Variants in NTM observed in about 807,000 individuals in gnomAD.
NTM encodes IgLON family member 2.
NTM carries 13 observed loss-of-function variants against 42.1 expected under a neutral mutation model. The ratio of observed to expected loss-of-function variants is 0.31; its 90% CI spans 0.20 to 0.49. The LOEUF (loss-of-function observed/expected upper bound fraction) is 0.49. Ranked by LOEUF, NTM falls within the 20% of genes least tolerant of loss-of-function variation. The pLI, the probability that NTM is intolerant of heterozygous loss-of-function variation, is 0.99. For missense variants in NTM, 373 were observed against 452.8 expected (o/e 0.82, Z 1.60); for synonymous variants, 187 against 179.2 (o/e 1.04, Z -0.35).
intron 1 of NTM, among the ~76,000 whole-genome samples, chr11:131,900,046 C>T (rs1262844845): frequency 1.3e-5 from 2 of 152,190 alleles, no homozygotes; most frequent in Non-Finnish European, 2.9e-5. Flanking sequence ...AGAAATTAGA[C>T]CATTACATGT....
intron 1 of NTM, among the ~76,000 whole-genome samples, chr11:131,800,205 G>A (rs568020272): frequency 2.0e-5 from 3 of 152,312 alleles, no homozygotes; most frequent in South Asian, 2.1e-4. Context: ...TTTGGAATCC[G>A]AGAACAGGAT....
chr11:131,469,959 A>G (rs1479583353), intron 1 of NTM, among the ~76,000 whole-genome samples: 1 of 152,208 alleles, frequency 6.6e-6, no homozygotes, highest in African/African-American at 2.4e-5. Flanking sequence ...TCTGGTCTGC[A>G]TTTACATTTC....
At chr11:131,761,155 G>T (rs2084107121) in intron 1 of NTM, among the ~76,000 whole-genome samples, 1 of 152,154 alleles carries the variant, frequency 6.6e-6, no homozygotes, top group South Asian at 2.1e-4. Flanking sequence ...GTGGCAAGAG[G>T]CAGGGAGGAG....
rs779371401 is a variant in NTM, at chr11:132,214,014, G to A, written c.526+1867G>A. Reference sequence around the variant, plus strand: ...CTCCCAAAGTGCTGGGATTACAGGCGTGAGCCACCGCGCCCGGCGGGCCAC... The same window carrying A: ...CTCCCAAAGTGCTGGGATTACAGGCATGAGCCACCGCGCCCGGCGGGCCAC... On this transcript the variant is annotated intron_variant, in intron 4 of 8. Transcript: ENST00000683400. Among the ~76,000 whole-genome samples the A allele has an allele frequency of 1.8e-4, 11 of 61,486 alleles. 3 individuals are homozygous for A. Among genetic ancestry groups the A allele is most frequent in the African/African-American group, 4.3e-4 (9 of 20,720 alleles). The allele number at this position is 61,486 out of a possible 152,430, so 40.3% of individuals were successfully genotyped here.
At chr11:131,813,267 T>C (rs1445635666) in intron 1 of NTM, among the ~76,000 whole-genome samples, 2 of 152,194 alleles carry the variant, frequency 1.3e-5, no homozygotes, top group African/African-American at 4.8e-5. Context: ...ACACACAAAC[T>C]AATAGCATCT....
At chr11:131,722,701 G>T (rs1353221027) in intron 1 of NTM, among the ~76,000 whole-genome samples, 4 of 152,186 alleles carry the variant, frequency 2.6e-5, no homozygotes, top group African/African-American at 4.8e-5. Context: ...GAGCTGCAGG[G>T]CCACTAGAGA....
intron 1 of NTM, among the ~76,000 whole-genome samples, chr11:131,380,212 C>CTT (rs34132358): frequency 2.2e-4 from 28 of 124,634 alleles, no homozygotes; most frequent in African/African-American, 6.5e-4. Flanking sequence ...TCCTTTGAGT[C>CTT]TTTTTTTTTT....
rs565687944 is a variant in NTM at position 132,045,343 on chromosome 11, G to T, written c.168-100939G>T. Among the ~76,000 whole-genome samples the T allele has an allele frequency of 8.5e-5, 13 of 152,312 alleles. No individual in the cohort carries two copies. The South Asian group carries it at 2.7e-3, about 32-fold the overall frequency. On this transcript the variant is annotated intron_variant, in intron 2 of 8. Transcript: ENST00000683400. ...GAGAAGGAAGAGGTCAGAGGAATGA[G>T]GGGGAGAAGCTGGGAGTAAAGGAGC...
At chr11:131,675,322 A>C (rs942572520) in intron 1 of NTM, among the ~76,000 whole-genome samples, 1 of 152,144 alleles carries the variant, frequency 6.6e-6, no homozygotes, top group Non-Finnish European at 1.5e-5. Flanking sequence ...CACATTTTTA[A>C]ATTCTTATTA....
chr11:131,402,332 G>A (rs903227470), intron 1 of NTM, among the ~76,000 whole-genome samples: 1 of 151,732 alleles, frequency 6.6e-6, no homozygotes, highest in Non-Finnish European at 1.5e-5. Flanking sequence ...ATACTGAGGT[G>A]TTCAGAGGAG....
In NTM at chr11:132,180,720, A is replaced by G. The variant is rs146043541; in HGVS notation, c.401-31302A>G. On this transcript the variant is annotated intron_variant, in intron 3 of 8. Coordinates refer to ENST00000683400, the MANE Select transcript of NTM (RefSeq NM_001352005.2). Reference sequence around the variant, plus strand: ...CTAAGGACCTGAGTTTCCAAACACTATAAGTCTAATATGATTACCACCAGA... The same window carrying G: ...CTAAGGACCTGAGTTTCCAAACACTGTAAGTCTAATATGATTACCACCAGA... 7.9e-5 allele frequency among the ~76,000 whole-genome samples: 12 copies of G among 152,224 alleles called. No homozygotes were observed. In the South Asian group the frequency reaches 1.2e-3, roughly 16 times the overall value.
intron 4 of NTM, among the ~76,000 whole-genome samples, chr11:132,255,336 G>A (rs528962949): frequency 6.6e-6 from 1 of 151,964 alleles, no homozygotes; most frequent in African/African-American, 2.4e-5. Flanking sequence ...ACAATATGAC[G>A]TTCTTGAGTT....
intron 1 of NTM, among the ~76,000 whole-genome samples, chr11:131,854,360 C>A (rs898046244): frequency 6.6e-6 from 1 of 152,214 alleles, no homozygotes; most frequent in African/African-American, 2.4e-5. Context: ...AGGAAAACTT[C>A]TTTTGCTCAC....
chr11:131,590,757 C>T (rs1184348936), intron 1 of NTM, among the ~76,000 whole-genome samples: 6 of 152,198 alleles, frequency 3.9e-5, no homozygotes, highest in Admixed American at 1.3e-4. Context: ...AGGTAACGGG[C>T]TTCCTAAGAG....
At chr11:131,569,591 T>A (rs952368986) in intron 1 of NTM, among the ~76,000 whole-genome samples, 1 of 148,494 alleles carries the variant, frequency 6.7e-6, no homozygotes, top group East Asian at 1.9e-4. Context: ...TTTTTTTTTT[T>A]CTTTGATACA....
intron 3 of NTM, among the ~76,000 whole-genome samples, chr11:132,169,128 A>C (rs1183195025): frequency 1.4e-4 from 21 of 151,840 alleles, no homozygotes; most frequent in Admixed American, 1.2e-3. Context: ...ATTTCCACTC[A>C]CTTTGGGCCT....
intron 1 of NTM, among the ~76,000 whole-genome samples, chr11:131,624,761 C>T (rs1265565392): frequency 6.6e-6 from 1 of 152,208 alleles, no homozygotes; most frequent in Non-Finnish European, 1.5e-5. Context: ...CAGGGCGAGT[C>T]CCTCTATCTT....
At chr11:131,774,572 G>C (rs1014396976) in intron 1 of NTM, among the ~76,000 whole-genome samples, 1 of 152,008 alleles carries the variant, frequency 6.6e-6, no homozygotes, top group Non-Finnish European at 1.5e-5. Context: ...AATACATGAG[G>C]AGTGTAAGAT....
rs115940064 is a variant in NTM at position 132,158,448 on chromosome 11, T to C, written c.400+11934T>C. On this transcript the variant is annotated intron_variant, in intron 3 of 8. Transcript: ENST00000683400. ...GCACCTTTCTTGCCTTGTTTGTTCT[T>C]TATAAAGTAACTCACCTATTGGCAT... Among the ~76,000 whole-genome samples, 536 of 152,356 alleles carry C rather than the reference T, an allele frequency of 3.5e-3. 3 individuals are homozygous for C. The highest frequency in any genetic ancestry group is 0.012 in the African/African-American group (513 of 41,586).
Sources: allele counts gnomAD v4.1 joint callset (sites outside exome capture counted in the v4.1 genomes callset), GRCh38; gene constraint gnomAD v4.1.1; transcripts MANE v1.5; gene names NCBI Gene and HGNC (gene_info 2026-07-23, HGNC 2026-07-21).